SLC9A9: variants seen among roughly 807,000 people sequenced by gnomAD.
The protein encoded by SLC9A9 is solute carrier family 9 member A9.
SLC9A9 carries 62 observed loss-of-function variants against 77.8 expected under a neutral mutation model. The ratio of observed to expected loss-of-function variants is 0.80; its 90% CI spans 0.65 to 0.98. SLC9A9 has a LOEUF of 0.98. Among genes scored for constraint, SLC9A9 ranks in the 50% least tolerant of loss-of-function variants. The pLI is 0.00. For synonymous variants in SLC9A9, 320 were observed against 283.5 expected (o/e 1.13, Z -1.29); for missense variants, 775 against 774.9 (o/e 1.00, Z 0.00).
chr3:143,739,193 A>G (rs1935020746), intron 4 of SLC9A9, among the ~76,000 whole-genome samples: 1 of 152,160 alleles, frequency 6.6e-6, no homozygotes, highest in Non-Finnish European at 1.5e-5. Flanking sequence ...TCACCTCATT[A>G]CTGTAAATGC....
chr3:143,305,968 C>T (rs776331142), intron 14 of SLC9A9, among the ~76,000 whole-genome samples: 9 of 152,126 alleles, frequency 5.9e-5, no homozygotes, highest in East Asian at 3.9e-4. Context: ...AATTTCCTTG[C>T]GGGATATTCT....
intron 11 of SLC9A9, among the ~76,000 whole-genome samples, chr3:143,483,531 C>G (rs992011014): frequency 6.6e-6 from 1 of 152,118 alleles, no homozygotes; most frequent in Non-Finnish European, 1.5e-5. Context: ...TTTGTGGGGC[C>G]TGAAGCTTAT....
intron 4 of SLC9A9, among the ~76,000 whole-genome samples, chr3:143,738,385 T>G (rs949498859): frequency 4.6e-5 from 7 of 152,098 alleles, no homozygotes; most frequent in Non-Finnish European, 8.8e-5. Context: ...CACCTTGACT[T>G]CCCCCTCTAG....
At chr3:143,274,176 T>C (rs2108399981) in intron 14 of SLC9A9, among the ~76,000 whole-genome samples, 1 of 152,356 alleles carries the variant, frequency 6.6e-6, no homozygotes, top group East Asian at 1.9e-4. Flanking sequence ...TTTATAGACT[T>C]GATAAATGGT....
intron 9 of SLC9A9, among the ~76,000 whole-genome samples, chr3:143,528,794 C>T (rs940696989): frequency 1.7e-5 from 2 of 118,740 alleles, no homozygotes; most frequent in Admixed American, 9.1e-5. Flanking sequence ...GTCCTTCTAG[C>T]TCAAAAGTAA....
At chr3:143,533,556 G>A (rs2036547401) in intron 9 of SLC9A9, among the ~76,000 whole-genome samples, 1 of 152,146 alleles carries the variant, frequency 6.6e-6, no homozygotes, top group African/African-American at 2.4e-5. Flanking sequence ...AGACACATGA[G>A]CATACCATAT....
intron 9 of SLC9A9, among the ~76,000 whole-genome samples, chr3:143,541,282 C>A (rs1005580726): frequency 4.6e-5 from 7 of 152,108 alleles, no homozygotes; most frequent in Non-Finnish European, 1.0e-4. Flanking sequence ...ACGAGGACAC[C>A]CAAGCAGCCC....
chr3:143,846,545 C>G (rs1576768561), intron 1 of SLC9A9, among the ~76,000 whole-genome samples: 1 of 151,374 alleles, frequency 6.6e-6, no homozygotes, highest in Admixed American at 6.6e-5. Context: ...TGAGAGTTTT[C>G]TTGTGCCCGT....
intron 12 of SLC9A9, among the ~76,000 whole-genome samples, chr3:143,456,723 CCTGA>C (rs2035099418): frequency 6.6e-6 from 1 of 151,974 alleles, no homozygotes; most frequent in South Asian, 2.1e-4. Flanking sequence ...TGTCACCATG[CCTGA>C]CTAATTTTTG....
intron 6 of SLC9A9, chr3:143,627,541 CAGA>C (rs2038352896): frequency 3.3e-6 from 1 of 302,294 alleles, no homozygotes; most frequent in Non-Finnish European, 6.4e-6. Context: ...TGACTCGCAG[CAGA>C]AGGAGTGGAA....
intron 14 of SLC9A9, among the ~76,000 whole-genome samples, chr3:143,271,162 G>T (rs1478637339): frequency 6.6e-6 from 1 of 152,184 alleles, no homozygotes; most frequent in Non-Finnish European, 1.5e-5. Flanking sequence ...GAGGTTTCAG[G>T]CATCCATGGG....
chr3:143,548,271 T>G (rs962255167), intron 9 of SLC9A9, among the ~76,000 whole-genome samples: 1 of 151,842 alleles, frequency 6.6e-6, no homozygotes, highest in Non-Finnish European at 1.5e-5. Flanking sequence ...TTGGCGCAGA[T>G]AGCAAGCTCC....
chr3:143,369,148 T>C (rs1470501539), intron 13 of SLC9A9, among the ~76,000 whole-genome samples: 1 of 152,204 alleles, frequency 6.6e-6, no homozygotes, highest in East Asian at 1.9e-4. Context: ...AGAAAGGGCT[T>C]GGTCCAGGTA....
rs770558345 is a variant in SLC9A9 at position 143,795,088 on chromosome 3, A to T, written c.457-11T>A. 20 of 1,609,182 alleles carry T rather than the reference A, an allele frequency of 1.2e-5. No homozygotes were observed. In the East Asian group the frequency reaches 4.5e-4, roughly 36 times the overall value. On this transcript the variant is annotated splice_polypyrimidine_tract_variant and intron_variant, in intron 3 of 15. Transcript: ENST00000316549. ...TTGAAAAAAGTGTCTCTGGGGAGAA[A>T]AAAAGATATTTAATAGAGTACATCA...
chr3:143,329,095 G>A (rs2031688184), intron 14 of SLC9A9, among the ~76,000 whole-genome samples: 1 of 152,218 alleles, frequency 6.6e-6, no homozygotes, highest in Non-Finnish European at 1.5e-5. Context: ...CAAGAACAGG[G>A]AGATGTTTCC....
At chr3:143,325,541 G>A (rs1185822005) in intron 14 of SLC9A9, among the ~76,000 whole-genome samples, 2 of 152,204 alleles carry the variant, frequency 1.3e-5, no homozygotes, top group African/African-American at 2.4e-5. Context: ...CCATGGCACT[G>A]TCTTCCACAC....
chr3:143,413,584 C>A (rs1030595656), intron 12 of SLC9A9, among the ~76,000 whole-genome samples: 2 of 152,156 alleles, frequency 1.3e-5, no homozygotes, highest in African/African-American at 4.8e-5. Flanking sequence ...CTCTAGAGAA[C>A]TCTTCACCTG....
chr3:143,396,859 T>A (rs2033741648), intron 12 of SLC9A9, among the ~76,000 whole-genome samples: 1 of 152,202 alleles, frequency 6.6e-6, no homozygotes, highest in African/African-American at 2.4e-5. Flanking sequence ...AGAGTGGGGA[T>A]GTTCTGGCTG....
intron 12 of SLC9A9, among the ~76,000 whole-genome samples, chr3:143,428,756 CAG>C (rs1381287577): frequency 6.6e-6 from 1 of 152,098 alleles, no homozygotes; most frequent in African/African-American, 2.4e-5. Flanking sequence ...AACCATAAAA[CAG>C]AATGAAATCC....
Sources: allele counts gnomAD v4.1 joint callset (sites outside exome capture counted in the v4.1 genomes callset), GRCh38; gene constraint gnomAD v4.1.1; transcripts MANE v1.5; gene names NCBI Gene and HGNC (gene_info 2026-07-23, HGNC 2026-07-21).